Variants in STK24 observed in about 807,000 individuals in gnomAD.
STK24 encodes serine/threonine kinase 24.
Under a neutral mutation model 55.6 loss-of-function variants are expected in STK24, and 21 were observed. The ratio of observed to expected loss-of-function variants is 0.38; its 90% CI spans 0.27 to 0.54. The LOEUF (loss-of-function observed/expected upper bound fraction) is 0.54, where lower values mean the gene tolerates loss of function less well. Ranked by LOEUF, STK24 falls within the 20% of genes least tolerant of loss-of-function variation. The pLI, the probability that STK24 is intolerant of heterozygous loss-of-function variation, is 0.79. For synonymous variants in STK24, 200 were observed against 215.2 expected, an observed-to-expected ratio of 0.93 and a Z score of 0.62; for missense variants, 383 against 538.4, an observed-to-expected ratio of 0.71 and a Z score of 2.86.
chr13:98,551,041 C>T (rs1378603983), intron 1 of STK24, among the ~76,000 whole-genome samples: 2 of 151,974 alleles, frequency 1.3e-5, no homozygotes. Flanking sequence ...AATCCCAGCA[C>T]TTTGGGAGGC....
chr13:98,575,226 CAGA>C (rs576484007), intron 1 of STK24, among the ~76,000 whole-genome samples: 173 of 152,222 alleles, frequency 1.1e-3, no homozygotes, highest in African/African-American at 3.4e-3. Flanking sequence ...CAGCAGTCAG[CAGA>C]AGTTTAGGTT....
chr13:98,453,276 A>G, intron 10 of STK24, 67 bp from the exon 11 acceptor site: 1 of 1,508,420 alleles, frequency 6.6e-7, no homozygotes, highest in Non-Finnish European at 9.0e-7. Flanking sequence ...AAATTCATAT[A>G]GTAACCAAAA....
intron 1 of STK24, among the ~76,000 whole-genome samples, chr13:98,562,853 T>G (rs1004909138): frequency 1.4e-5 from 2 of 148,034 alleles, no homozygotes; most frequent in African/African-American, 2.5e-5. Flanking sequence ...GAGGCAGAAG[T>G]TGCAGTGAGC....
rs142768011 is a variant in STK24, at chr13:98,501,392, A to G, written c.273+17851T>C. 9.1e-3 allele frequency among the ~76,000 whole-genome samples: 1,387 copies of G among 152,360 alleles called. 19 individuals carry two copies. The highest frequency in any genetic ancestry group is 0.03 in the African/African-American group (1,266 of 41,586). On this transcript the variant is annotated intron_variant, in intron 2 of 10. Transcript: ENST00000539966. ...GGGCGGGGGCCAGGAGGGCAGGGGC[A>G]GCGAGAGAGACTCCAGAAGAGAGCC...
intron 2 of STK24, among the ~76,000 whole-genome samples, chr13:98,492,981 T>A (rs1895100072): frequency 6.6e-6 from 1 of 152,262 alleles, no homozygotes; most frequent in African/African-American, 2.4e-5. Context: ...CTTTGACTGT[T>A]CTTAACATTT....
chr13:98,529,716 G>A (rs1218013904), intron 1 of STK24, among the ~76,000 whole-genome samples: 2 of 152,096 alleles, frequency 1.3e-5, no homozygotes, highest in Non-Finnish European at 2.9e-5. Flanking sequence ...GGGGTCCAGA[G>A]GCCCCTGTAG....
In STK24 at chr13:98,447,792, C is replaced by T. The variant is rs9556958; in HGVS notation, c.*5381G>A. ...GAGCCCAGGAGGTAGCTACAGTGGG[C>T]GATAACTGCACCACTGAACTCCAGT... On this transcript the variant is annotated 3_prime_UTR_variant, in exon 11 of 11. Transcript: ENST00000539966. 0.46 allele frequency: 75,105 copies of T among 161,706 alleles called. 18,043 individuals carry two copies. Among genetic ancestry groups the T allele is most frequent in the Non-Finnish European group, 0.51 (37,791 of 74,440 alleles). The allele number at this position is 161,706 out of a possible 1,614,324, so 10.0% of individuals were successfully genotyped here. A position where few individuals can be genotyped will look rare whatever the true frequency, so the allele number is the denominator to read the frequency against.
intron 3 of STK24, among the ~76,000 whole-genome samples, chr13:98,478,486 G>A (rs1358429849): frequency 6.6e-6 from 1 of 152,194 alleles, no homozygotes; most frequent in African/African-American, 2.4e-5. Flanking sequence ...GAGGACAATG[G>A]CTGAAGACCA....
intron 2 of STK24, among the ~76,000 whole-genome samples, chr13:98,514,374 A>G (rs961709944): frequency 6.6e-5 from 10 of 152,268 alleles, no homozygotes; most frequent in African/African-American, 2.4e-4. Context: ...AAAAAACAAT[A>G]GAAGTCCCAA....
rs373533143 is a variant in STK24, at chr13:98,524,710, C to A, written c.43-5237G>T. On this transcript the variant is annotated intron_variant, in intron 1 of 10. Coordinates refer to ENST00000539966, the MANE Select transcript of STK24 (RefSeq NM_001032296.4). Reference sequence around the variant, plus strand: ...TAATAGAATTCAACAGAAACCACTGCGGGAGAAAAGTGTCTATGGGGTGTC... The same window carrying A: ...TAATAGAATTCAACAGAAACCACTGAGGGAGAAAAGTGTCTATGGGGTGTC... 1.1e-4 allele frequency among the ~76,000 whole-genome samples: 17 copies of A among 152,288 alleles called. No individual in the cohort carries two copies. In the South Asian group the frequency reaches 3.5e-3, roughly 32 times the overall value.
intron 2 of STK24, among the ~76,000 whole-genome samples, chr13:98,506,492 G>A (rs1269406027): frequency 6.6e-6 from 1 of 152,240 alleles, no homozygotes; most frequent in Non-Finnish European, 1.5e-5. Context: ...CCTGGCAGCA[G>A]CTGATGCGAG....
intron 2 of STK24, among the ~76,000 whole-genome samples, chr13:98,511,617 A>G (rs1379206784): frequency 6.6e-6 from 1 of 152,240 alleles, no homozygotes; most frequent in Non-Finnish European, 1.5e-5. Context: ...AAAAGGAACA[A>G]ACAAGTGACA....
At chr13:98,497,780 C>T (rs945025037) in intron 2 of STK24, among the ~76,000 whole-genome samples, 1 of 152,144 alleles carries the variant, frequency 6.6e-6, no homozygotes, top group Non-Finnish European at 1.5e-5. Flanking sequence ...TGGGTGGATA[C>T]CAGGATGTAC....
At chr13:98,524,827 T>C (rs1270238045) in intron 1 of STK24, among the ~76,000 whole-genome samples, 1 of 152,170 alleles carries the variant, frequency 6.6e-6, no homozygotes, top group Non-Finnish European at 1.5e-5. Flanking sequence ...AAACAGCAAT[T>C]TTCACTCTTT....
chr13:98,469,562 G>T (rs1459326679), intron 5 of STK24, among the ~76,000 whole-genome samples: 6 of 152,016 alleles, frequency 3.9e-5, no homozygotes, highest in African/African-American at 4.8e-5. Context: ...AAAGGCGGCG[G>T]GGGGAGGACA....
intron 2 of STK24, among the ~76,000 whole-genome samples, chr13:98,483,211 A>G (rs1323403433): frequency 1.3e-5 from 2 of 152,246 alleles, no homozygotes; most frequent in Non-Finnish European, 2.9e-5. Flanking sequence ...GGGCCCGGGC[A>G]GCTGTCTCCT....
chr13:98,514,839 G>A (rs1455157517), intron 2 of STK24, among the ~76,000 whole-genome samples: 5 of 152,036 alleles, frequency 3.3e-5, no homozygotes, highest in South Asian at 2.1e-4. Context: ...TCTGTTTGGC[G>A]CAGATAACTT....
chr13:98,512,876 C>G (rs1324281987), intron 2 of STK24, among the ~76,000 whole-genome samples: 1 of 152,220 alleles, frequency 6.6e-6, no homozygotes, highest in Non-Finnish European at 1.5e-5. Flanking sequence ...GAGGGGCTCC[C>G]TCTCATCTGT....
In STK24 at chr13:98,458,730, C is replaced by T. The variant is rs78242191; in HGVS notation, c.1123-1426G>A. Among the ~76,000 whole-genome samples, 1,058 of 152,308 alleles carry T rather than the reference C, an allele frequency of 6.9e-3. 12 individuals are homozygous for T. Among genetic ancestry groups the T allele is most frequent in the African/African-American group, 0.024 (1,009 of 41,570 alleles). On this transcript the variant is annotated intron_variant, in intron 9 of 10. Transcript: ENST00000539966. Reference sequence around the variant, plus strand: ...GCCGCCCTGGGAGAGGGCCTGTCCCCTTGCCGTGTGGAACGTGCTGGACCC... The same window carrying T: ...GCCGCCCTGGGAGAGGGCCTGTCCCTTTGCCGTGTGGAACGTGCTGGACCC...
Sources: gnomAD v4.1 joint callset for allele counts (sites outside exome capture counted in the v4.1 genomes callset) on GRCh38, gnomAD v4.1.1 for gene constraint, MANE v1.5 for transcripts, NCBI Gene and HGNC (gene_info 2026-07-23, HGNC 2026-07-21) for gene names.